Variants in TENM2 observed in about 807,000 individuals in gnomAD.
TENM2 encodes teneurin transmembrane protein 2.
A neutral mutation model predicts 245.2 loss-of-function variants in TENM2; 52 were observed. The observed-to-expected ratio is 0.21, with a 90% CI of 0.17 to 0.27. The LOEUF is 0.27. TENM2 is among the 10% of genes least tolerant of loss of function. The probability of loss-of-function intolerance (pLI) is 1.00; values close to 1 mark genes in which losing one functional copy is unlikely to be tolerated. For synonymous variants in TENM2, 1,363 were observed against 1,438.9 expected (o/e 0.95, Z 1.19); for missense variants, 3,046 against 3,666.8 (o/e 0.83, Z 4.37).
intron 2 of TENM2, among the ~76,000 whole-genome samples, chr5:167,491,177 C>A (rs1233016019): frequency 1.3e-5 from 2 of 152,058 alleles, no homozygotes; most frequent in Admixed American, 6.5e-5. Context: ...GTAAGTTAGG[C>A]ACACGATGGA....
At chr5:168,118,546 C>T in intron 10 of TENM2, 60 bp downstream of exon 12, 1 of 1,368,072 alleles carries the variant, frequency 7.3e-7, no homozygotes. Context: ...AGGGCCTGAC[C>T]TTTGCTAATG....
intron 6 of TENM2, among the ~76,000 whole-genome samples, chr5:168,048,619 C>G (rs558674327): frequency 5.3e-5 from 8 of 152,312 alleles, no homozygotes; most frequent in African/African-American, 1.9e-4. Context: ...CCCTGTGCAT[C>G]TTTGGGCAGG....
At position 168,094,098 on chromosome 5, in the gene TENM2, T is replaced by C. The variant is rs187890198; in HGVS notation, c.1711+3329T>C. On this transcript the variant is annotated intron_variant, in intron 8 of 28. Transcript: ENST00000518659. ...CCTATTGTATACCAAGCATTGAGAA[T>C]ACCTCGATGAACAGTTCAGATCGAG... Among the ~76,000 whole-genome samples, 51 of 146,514 alleles carry C rather than the reference T, an allele frequency of 3.5e-4. No individual in the cohort carries two copies. In the East Asian group the frequency reaches 0.01, roughly 29 times the overall value.
the TENM2 span, among the ~76,000 whole-genome samples, chr5:167,089,462 G>A: frequency 6.6e-6 from 1 of 152,186 alleles, no homozygotes; most frequent in African/African-American, 2.4e-5. Flanking sequence ...AACAGGGTGA[G>A]AAAGACATTT....
intron 25 of TENM2, among the ~76,000 whole-genome samples, chr5:168,239,777 A>C (rs1470618253): frequency 6.6e-6 from 1 of 152,210 alleles, no homozygotes; most frequent in Non-Finnish European, 1.5e-5. Flanking sequence ...ACATATGTAC[A>C]TCTATACACA....
At chr5:167,279,513 CT>C in the TENM2 span, among the ~76,000 whole-genome samples, 5,501 of 97,236 alleles carry the variant, frequency 0.057, 174 homozygotes, top group Admixed American at 0.11. Flanking sequence ...TCCTTCCTTC[CT>C]TTCCTTCCTT....
the TENM2 span, among the ~76,000 whole-genome samples, chr5:167,176,707 G>A: frequency 1.3e-5 from 2 of 152,068 alleles, no homozygotes; most frequent in African/African-American, 4.8e-5. Context: ...TTGAGGACAG[G>A]GCTTACTCTT....
At chr5:168,018,226 A>G (rs1232835598) in intron 5 of TENM2, among the ~76,000 whole-genome samples, 1 of 152,006 alleles carries the variant, frequency 6.6e-6, no homozygotes, top group Non-Finnish European at 1.5e-5. Context: ...TCCTCTCCAC[A>G]TTAAGTCTGA....
the TENM2 span, among the ~76,000 whole-genome samples, chr5:167,256,186 A>G: frequency 9.7e-4 from 148 of 152,272 alleles, no homozygotes; most frequent in African/African-American, 3.5e-3. Context: ...CACTGCATGC[A>G]ATGCAAGTGA....
At chr5:167,333,000 A>C (rs919178480) in intron 1 of TENM2, among the ~76,000 whole-genome samples, 3 of 152,222 alleles carry the variant, frequency 2.0e-5, no homozygotes, top group African/African-American at 4.8e-5. Context: ...TAAAAGGTAA[A>C]GGGGAATTAA....
At chr5:167,251,103 T>C in the TENM2 span, among the ~76,000 whole-genome samples, 4 of 152,090 alleles carry the variant, frequency 2.6e-5, no homozygotes, top group Non-Finnish European at 5.9e-5. Flanking sequence ...GTGCTAATGA[T>C]TAGACTCTTT....
chr5:167,172,767 T>A, the TENM2 span, among the ~76,000 whole-genome samples: 1 of 151,704 alleles, frequency 6.6e-6, no homozygotes, highest in African/African-American at 2.4e-5. Flanking sequence ...CATTCCACTA[T>A]GCTTAGCTAT....
At chr5:166,995,814 CAAAAAAAAAAA>C in the TENM2 span, among the ~76,000 whole-genome samples, 2 of 59,262 alleles carry the variant, frequency 3.4e-5, no homozygotes, top group South Asian at 9.3e-4. Flanking sequence ...GACTCCATCT[CAAAAAAAAAAA>C]AAAAAAAAAA....
At chr5:167,294,844 C>G (rs573328818) in intron 1 of TENM2, among the ~76,000 whole-genome samples, 1 of 152,294 alleles carries the variant, frequency 6.6e-6, no homozygotes, top group Admixed American at 6.5e-5. Flanking sequence ...CTCACAATTG[C>G]AAAAATATCA....
the TENM2 span, among the ~76,000 whole-genome samples, chr5:167,111,788 G>C: frequency 6.6e-6 from 1 of 152,134 alleles, no homozygotes; most frequent in African/African-American, 2.4e-5. Flanking sequence ...TTATGAGACT[G>C]TTTTACACAC....
At chr5:167,424,661 TC>T (rs1763704722) in intron 2 of TENM2, among the ~76,000 whole-genome samples, 1 of 152,016 alleles carries the variant, frequency 6.6e-6, no homozygotes, top group South Asian at 2.1e-4. Context: ...CTCTTAATAT[TC>T]CCCCCAGAAA....
At chr5:167,609,488 C>CAAAAAAAAAAAAAAAAAAAAAAAAAAAAA (rs5873049) in intron 2 of TENM2, among the ~76,000 whole-genome samples, 1 of 36,692 alleles carries the variant, frequency 2.7e-5, no homozygotes, top group African/African-American at 9.8e-5. Context: ...CCTGATGATG[C>CAAAAAAAAAAAAAAAAAAAAAAAAAAAAA]AAAAAAAAAA....
intron 2 of TENM2, among the ~76,000 whole-genome samples, chr5:167,394,258 T>TA (rs565920811): frequency 7.4e-4 from 112 of 152,302 alleles, no homozygotes; most frequent in African/African-American, 2.5e-3. Context: ...TTTCAGGTCT[T>TA]ACATTTTAAG....
chr5:167,342,951 C>T (rs1346401828), intron 1 of TENM2, among the ~76,000 whole-genome samples: 1 of 151,246 alleles, frequency 6.6e-6, no homozygotes, highest in Non-Finnish European at 1.5e-5. Context: ...AGAGTATTTA[C>T]ATAAATGATT....
Sources: gnomAD v4.1 joint callset for allele counts (sites outside exome capture counted in the v4.1 genomes callset) on GRCh38, gnomAD v4.1.1 for gene constraint, MANE v1.5 for transcripts, NCBI Gene and HGNC (gene_info 2026-07-23, HGNC 2026-07-21) for gene names.